POFUT3: variants seen among roughly 807,000 people sequenced by gnomAD.
POFUT3 encodes GDP-fucose protein O-fucosyltransferase 3.
chr8:33,463,333 C>T, the POFUT3 span, among the ~76,000 whole-genome samples: 4 of 151,872 alleles, frequency 2.6e-5, no homozygotes, highest in East Asian at 2.0e-4. Flanking sequence ...GGTGAAACCC[C>T]GTCTCTACTA....
chr8:33,457,064 C>T, the POFUT3 span, among the ~76,000 whole-genome samples: 3 of 151,134 alleles, frequency 2.0e-5, no homozygotes, highest in South Asian at 2.1e-4. Flanking sequence ...CCACCATGCC[C>T]GGCCAAACCT....
chr8:33,343,954 G>A, the POFUT3 span, among the ~76,000 whole-genome samples: 3 of 152,100 alleles, frequency 2.0e-5, no homozygotes, highest in Non-Finnish European at 2.9e-5. Context: ...CTTCCTTGTG[G>A]GGACCTCCAA....
chr8:33,409,514 C>T, the POFUT3 span, among the ~76,000 whole-genome samples: 2 of 152,198 alleles, frequency 1.3e-5, no homozygotes, highest in Non-Finnish European at 2.9e-5. Flanking sequence ...TCCAGTCCTC[C>T]ATCACTGGAA....
the POFUT3 span, chr8:33,389,634 G>C: frequency 4.5e-4 from 727 of 1,614,080 alleles, 1 homozygote; most frequent in Non-Finnish European, 4.4e-4. Flanking sequence ...TGGGTAGTTA[G>C]TGGCAAGTGG....
At chr8:33,383,244 T>A in the POFUT3 span, among the ~76,000 whole-genome samples, 1 of 152,132 alleles carries the variant, frequency 6.6e-6, no homozygotes, top group Non-Finnish European at 1.5e-5. Flanking sequence ...CCTAACAGAA[T>A]CACAGCACAG....
chr8:33,316,846 C>G, the POFUT3 span, among the ~76,000 whole-genome samples: 2 of 152,058 alleles, frequency 1.3e-5, no homozygotes, highest in Non-Finnish European at 1.5e-5. Context: ...GTTCTCTTCC[C>G]ATATTTCTCA....
chr8:33,377,844 T>C, the POFUT3 span, among the ~76,000 whole-genome samples: 3,225 of 152,302 alleles, frequency 0.021, 114 homozygotes, highest in African/African-American at 0.074. Context: ...AGATAATCCT[T>C]GAATTCATAA....
chr8:33,462,203 A>G, the POFUT3 span, among the ~76,000 whole-genome samples: 4 of 56,310 alleles, frequency 7.1e-5, no homozygotes, highest in Admixed American at 5.8e-4. Flanking sequence ...TCATGGCCAC[A>G]CAGCCCATCA....
At chr8:33,364,283 G>A in the POFUT3 span, among the ~76,000 whole-genome samples, 2 of 152,086 alleles carry the variant, frequency 1.3e-5, no homozygotes, top group Non-Finnish European at 2.9e-5. Flanking sequence ...AAAATAATAA[G>A]AGCTATTTAT....
the POFUT3 span, among the ~76,000 whole-genome samples, chr8:33,412,722 G>C: frequency 4.8e-4 from 73 of 152,260 alleles, 1 homozygote; most frequent in Admixed American, 1.6e-3. Context: ...CTGCCTCCTG[G>C]GTTCAAATGA....
chr8:33,316,979 C>T, the POFUT3 span, among the ~76,000 whole-genome samples: 1 of 151,836 alleles, frequency 6.6e-6, no homozygotes, highest in South Asian at 2.1e-4. Context: ...ATGTCCCCCA[C>T]CTGAGACTGA....
the POFUT3 span, among the ~76,000 whole-genome samples, chr8:33,423,795 T>A: frequency 4.4e-5 from 6 of 136,872 alleles, no homozygotes; most frequent in African/African-American, 1.7e-4. Context: ...GAGAAGGGTC[T>A]ATTTCTCTTT....
the POFUT3 span, among the ~76,000 whole-genome samples, chr8:33,387,044 T>C: frequency 2.0e-5 from 3 of 152,192 alleles, no homozygotes; most frequent in Non-Finnish European, 2.9e-5. Flanking sequence ...TGGTATAGCA[T>C]GGGCAATTAA....
chr8:33,326,689 C>T, the POFUT3 span, among the ~76,000 whole-genome samples: 1 of 152,132 alleles, frequency 6.6e-6, no homozygotes, highest in Non-Finnish European at 1.5e-5. Flanking sequence ...TTAGAGCTTC[C>T]TTTGCCTGAC....
chr8:33,443,664 T>C, the POFUT3 span, among the ~76,000 whole-genome samples: 4 of 152,078 alleles, frequency 2.6e-5, no homozygotes, highest in Non-Finnish European at 5.9e-5. Context: ...GGCTAATTTT[T>C]TGTATTTTTA....
At chr8:33,385,846 T>C in the POFUT3 span, among the ~76,000 whole-genome samples, 1 of 151,888 alleles carries the variant, frequency 6.6e-6, no homozygotes, top group African/African-American at 2.4e-5. Context: ...CTTAAGTAGC[T>C]TACTTTACGT....
At chr8:33,453,303 A>G in the POFUT3 span, 1 of 1,614,096 alleles carries the variant, frequency 6.2e-7, no homozygotes, top group Non-Finnish European at 8.5e-7. Flanking sequence ...CATTGGCCTA[A>G]CCTCCCAGTC....
At chr8:33,342,953 G>C in the POFUT3 span, among the ~76,000 whole-genome samples, 2 of 151,708 alleles carry the variant, frequency 1.3e-5, no homozygotes, top group Non-Finnish European at 2.9e-5. Flanking sequence ...TAAAAATACA[G>C]AATATTAGCC....
At chr8:33,443,653 T>G in the POFUT3 span, among the ~76,000 whole-genome samples, 1 of 152,090 alleles carries the variant, frequency 6.6e-6, no homozygotes. Context: ...CCACCATGCC[T>G]GGCTAATTTT....
Sources: gnomAD v4.1 joint callset for allele counts (sites outside exome capture counted in the v4.1 genomes callset) on GRCh38, gnomAD v4.1.1 for gene constraint, MANE v1.5 for transcripts, NCBI Gene and HGNC (gene_info 2026-07-23, HGNC 2026-07-21) for gene names.